LRRC27: variants seen among roughly 807,000 people sequenced by gnomAD.
The protein encoded by LRRC27 is leucine rich repeat containing 27.
A neutral mutation model predicts 55.0 loss-of-function variants in LRRC27; 57 were observed. That is an observed-to-expected ratio of 1.04 (90% CI 0.84 to 1.29). The LOEUF (loss-of-function observed/expected upper bound fraction) is 1.29. Ranked by LOEUF, LRRC27 falls within the 50% of genes most tolerant of loss-of-function variation. LRRC27 has a pLI of 0.00. For synonymous variants in LRRC27, 278 were observed against 251.9 expected (o/e 1.10, Z -0.98); for missense variants, 721 against 651.5 (o/e 1.11, Z -1.16).
At chr10:132,352,752 CG>C (rs1397742403) in intron 7 of LRRC27, 15 of 967,004 alleles carry the variant, frequency 1.6e-5, no homozygotes, top group Middle Eastern at 2.1e-4. Flanking sequence ...TTTGCAGCCC[CG>C]AGGCCTCCCT....
rs936907895 is a variant in LRRC27 at position 132,380,855 on chromosome 10, C to A, written c.*5613C>A. On this transcript the variant is annotated 3_prime_UTR_variant, in exon 11 of 11. Coordinates refer to ENST00000368614, the MANE Select transcript of LRRC27 (RefSeq NM_030626.3). ...TTCCGTAGATTGAGGTTTACAGCTG[C>A]GGTTGCCTACCAATTCAAGATAAAT... Among the ~76,000 whole-genome samples, 1 of 152,178 alleles carries A rather than the reference C, an allele frequency of 6.6e-6. No homozygotes were observed. Among genetic ancestry groups the A allele is most frequent in the African/African-American group, 2.4e-5 (1 of 41,434 alleles).
At chr10:132,347,491 T>TG (rs1170607984) in intron 5 of LRRC27, among the ~76,000 whole-genome samples, 1 of 149,498 alleles carries the variant, frequency 6.7e-6, no homozygotes, top group Non-Finnish European at 1.5e-5. Context: ...GGGGCTTGTG[T>TG]GGGAAGGTCA....
At chr10:132,361,642 T>A (rs1376930245) in intron 9 of LRRC27, 67 bp downstream of exon 9, 2 of 1,179,148 alleles carry the variant, frequency 1.7e-6, no homozygotes, top group Non-Finnish European at 2.5e-6. Flanking sequence ...CAGGTGCTGT[T>A]GTTTATTTCA....
chr10:132,380,351 A>G lies in LRRC27; in HGVS notation c.*5109A>G, dbSNP rs1019460098. Reference sequence around the variant, plus strand: ...AACTGCATGAAATTAACTGCAGTCCACAGTGTGCTGCTGGAATAATTACAA... The same window carrying G: ...AACTGCATGAAATTAACTGCAGTCCGCAGTGTGCTGCTGGAATAATTACAA... On this transcript the variant is annotated 3_prime_UTR_variant, in exon 11 of 11. Transcript: ENST00000368614. Among the ~76,000 whole-genome samples, 1 of 151,830 alleles carries G rather than the reference A, an allele frequency of 6.6e-6. No individual in the cohort carries two copies. Among genetic ancestry groups the G allele is most frequent in the African/African-American group, 2.4e-5 (1 of 41,326 alleles).
intron 2 of LRRC27, among the ~76,000 whole-genome samples, chr10:132,334,353 TG>T (rs1564817795): frequency 6.6e-6 from 1 of 152,222 alleles, no homozygotes; most frequent in African/African-American, 2.4e-5. Flanking sequence ...ATTGTGAAAA[TG>T]AATAATGTGA....
Position 132,375,267 on chromosome 10 carries a change from A to ACAGGAGC in LRRC27, c.*26_*27insAGGAGCC. ...ACACCAGGTGGCTGGACTGATGGAG[A>ACAGGAGC]CGTCTTCAGACAGGAGCCGCTCAGT... is the stretch of plus-strand genomic sequence containing the variant. On this transcript the variant is annotated 3_prime_UTR_variant, in exon 11 of 11. Coordinates refer to ENST00000368614, the MANE Select transcript of LRRC27 (RefSeq NM_030626.3). The ACAGGAGC allele has an allele frequency of 6.3e-7, 1 of 1,594,668 alleles. No homozygotes were observed. Among genetic ancestry groups the ACAGGAGC allele is most frequent in the Non-Finnish European group, 8.6e-7 (1 of 1,168,162 alleles).
rs773639090 is a variant in LRRC27, at chr10:132,333,466, C to G, written c.-48-11C>G. 1 of 1,352,826 alleles carries G rather than the reference C, an allele frequency of 7.4e-7. No individual in the cohort carries two copies. Among genetic ancestry groups the G allele is most frequent in the African/African-American group, 1.5e-5 (1 of 67,866 alleles). The allele number at this position is 1,352,826 out of a possible 1,614,324, so 83.8% of individuals were successfully genotyped here. ...TAGTTGCTTCTACGTTTCCCTTTCC[C>G]GTGTCTCCAGGTGACTCCAGACCAA... On this transcript the variant is annotated splice_polypyrimidine_tract_variant and intron_variant, in intron 1 of 10. Transcript: ENST00000368614.
chr10:132,341,919 G>C (rs2138670314), intron 3 of LRRC27, among the ~76,000 whole-genome samples: 1 of 152,338 alleles, frequency 6.6e-6, no homozygotes, highest in Non-Finnish European at 1.5e-5. Flanking sequence ...GCCTGGGGGT[G>C]GGTGGTACCC....
Position 132,333,580 on chromosome 10 carries a change from A to C in LRRC27, c.56A>C (p.Glu19Ala). The change falls in exon 2 of 11, where the codon GAG becomes GCG. Residue 19 changes from glutamate (E) to alanine (A), a missense_variant. Transcript: ENST00000368614. ...VPSVAAADLE[E>A]GAGQTRSLPA... Reference sequence around the variant, plus strand: ...TCTGTGGCTGCTGCTGATCTGGAGGAGGGTGCTGGTCAGACTAGGAGCTTG... The same window carrying C: ...TCTGTGGCTGCTGCTGATCTGGAGGCGGGTGCTGGTCAGACTAGGAGCTTG... The C allele has an allele frequency of 1.2e-6, 2 of 1,611,668 alleles. No homozygotes were observed. The highest frequency in any genetic ancestry group is 2.2e-5 in the East Asian group (1 of 44,872).
rs556996093 is a variant in LRRC27, at chr10:132,374,663, G to A, written c.1417-403G>A. 9.5e-4 allele frequency among the ~76,000 whole-genome samples: 144 copies of A among 152,318 alleles called. No homozygotes were observed. The Middle Eastern group carries it at 0.01, about 11-fold the overall frequency. On this transcript the variant is annotated intron_variant, in intron 10 of 10. Coordinates refer to ENST00000368614, the MANE Select transcript of LRRC27 (RefSeq NM_030626.3). This position sits in a 1 kb window ranked among gnomAD's most constrained non-coding sequence, Gnocchi z 4.4. ...GTTACGGCTCTAAGGTGTGGTCTTG[G>A]CTGTGGTGATGCTTGCCAAGACACT...
intron 3 of LRRC27, among the ~76,000 whole-genome samples, chr10:132,338,542 C>T (rs561936193): frequency 1.3e-5 from 2 of 152,168 alleles, no homozygotes; most frequent in African/African-American, 4.8e-5. Context: ...GTCACACCTC[C>T]TTTCCCCTCC....
chr10:132,333,606 C>T lies in LRRC27; in HGVS notation c.82C>T (p.Pro28Ser). The T allele has an allele frequency of 2.5e-6, 4 of 1,612,676 alleles. No homozygotes were observed. The highest frequency in any genetic ancestry group is 3.4e-6 in the Non-Finnish European group (4 of 1,179,970). ...EEGAGQTRSLPATPSKDVHKG... is the reference protein window; with the variant it reads ...EEGAGQTRSLSATPSKDVHKG... ...GGGTGCTGGTCAGACTAGGAGCTTG[C>T]CTGCCACCCCCTCCAAAGATGTTCA... The change falls in exon 2 of 11, where the codon CCT becomes TCT. Residue 28 changes from proline (P) to serine (S), a missense_variant. Coordinates refer to ENST00000368614, the MANE Select transcript of LRRC27 (RefSeq NM_030626.3).
intron 3 of LRRC27, among the ~76,000 whole-genome samples, chr10:132,341,970 C>T (rs559175699): frequency 5.9e-5 from 9 of 152,204 alleles, no homozygotes; most frequent in South Asian, 2.1e-4. Flanking sequence ...TACAATACCC[C>T]GCAAAGCAGG....
At chr10:132,366,877 C>A (rs1482519535) in intron 10 of LRRC27, 1 of 1,286,336 alleles carries the variant, frequency 7.8e-7, no homozygotes, top group Non-Finnish European at 1.0e-6. Context: ...GGCATGAGGG[C>A]AGGATGTGGA....
chr10:132,335,504 C>G (rs1334655811), intron 2 of LRRC27, among the ~76,000 whole-genome samples: 1 of 149,160 alleles, frequency 6.7e-6, no homozygotes, highest in Non-Finnish European at 1.5e-5. Flanking sequence ...TCCTGGATGT[C>G]GTCTATTGGT....
Position 132,361,471 on chromosome 10 carries a change from T to A in LRRC27, c.1185T>A (p.Ile395=), listed in dbSNP as rs369989184. ...CATTTTCCTAGGTGGCATCAAAGAT[T>A]CCCTCTGCCACAGATCTGATAGATA... is the stretch of plus-strand genomic sequence containing the variant. ...PPRRSMVASK[I]PSATDLIDNR... is the part of the protein sequence containing the mutation. The change falls in exon 9 of 11, where the codon ATT becomes ATA. Residue 395 remains isoleucine (I), a synonymous_variant. Coordinates refer to ENST00000368614, the MANE Select transcript of LRRC27 (RefSeq NM_030626.3). The A allele has an allele frequency of 5.6e-6, 9 of 1,612,874 alleles. No homozygotes were observed. In the African/African-American group the frequency reaches 1.1e-4, roughly 19 times the overall value.
At chr10:132,364,729 CACTTACATCTACCT>C (rs2068942317) in intron 9 of LRRC27, among the ~76,000 whole-genome samples, 2 of 105,802 alleles carry the variant, frequency 1.9e-5, no homozygotes, top group African/African-American at 4.0e-5. Context: ...TCCGCGTCCA[CACTTACATCTACCT>C]CCACGCCCAC....
rs2133118093 is a variant in LRRC27, at chr10:132,376,224, C to T, written c.*982C>T. The T allele has an allele frequency of 6.6e-6, 1 of 152,262 alleles. No individual in the cohort carries two copies. The highest frequency in any genetic ancestry group is 2.1e-4 in the South Asian group (1 of 4,826). The allele number at this position is 152,262 out of a possible 1,614,324, so 9.4% of individuals were successfully genotyped here. On this transcript the variant is annotated 3_prime_UTR_variant, in exon 11 of 11. Coordinates refer to ENST00000368614, the MANE Select transcript of LRRC27 (RefSeq NM_030626.3). ...TGCTATGGATTTATCAATTTTGTTC[C>T]TCTTTTCCAAAAGCCCCAGGTTTTG...
chr10:132,344,436 C>T (rs2067573584), intron 4 of LRRC27, 62 bp from the exon 5 acceptor site: 4 of 1,481,640 alleles, frequency 2.7e-6, no homozygotes, highest in South Asian at 1.3e-5. Flanking sequence ...ATTATTTATT[C>T]CTCATTTTCA....
Sources: gnomAD v4.1 joint callset for allele counts (sites outside exome capture counted in the v4.1 genomes callset) on GRCh38, gnomAD v4.1.1 for gene constraint, Gnocchi (gnomAD v3.1) non-coding constraint, MANE v1.5 for transcripts, NCBI Gene and HGNC (gene_info 2026-07-23, HGNC 2026-07-21) for gene names.